Variants in ITGA9 observed in about 807,000 individuals in gnomAD.
ITGA9 encodes integrin alpha-9.
A neutral mutation model predicts 127.8 loss-of-function variants in ITGA9; 56 were observed. The ratio of observed to expected loss-of-function variants is 0.44; its 90% CI spans 0.35 to 0.55. The LOEUF is 0.55. Among genes scored for constraint, ITGA9 ranks in the 20% least tolerant of loss-of-function variants. The pLI, the probability that ITGA9 is intolerant of heterozygous loss-of-function variation, is 0.00. For synonymous variants in ITGA9, 508 were observed against 514.5 expected (o/e 0.99, Z 0.17); for missense variants, 1,196 against 1,347.1 (o/e 0.89, Z 1.76).
chr3:37,584,981 G>A (rs1162054897), intron 15 of ITGA9, among the ~76,000 whole-genome samples: 1 of 152,046 alleles, frequency 6.6e-6, no homozygotes, highest in African/African-American at 2.4e-5. Context: ...TTCAGTCAGA[G>A]GGGAGCACTG....
At chr3:37,562,176 A>C (rs11712616) in intron 15 of ITGA9, among the ~76,000 whole-genome samples, 6,644 of 152,228 alleles carry the variant, frequency 0.044, 200 homozygotes, top group Middle Eastern at 0.065. Context: ...CCGGCAGCCC[A>C]TCCAGCGTTG....
intron 15 of ITGA9, among the ~76,000 whole-genome samples, chr3:37,555,685 C>A (rs757484056): frequency 6.6e-6 from 1 of 152,230 alleles, no homozygotes; most frequent in African/African-American, 2.4e-5. Flanking sequence ...GACTGTTTCA[C>A]GTTGTACTTA....
Position 37,452,698 on chromosome 3 carries a change from CT to C in ITGA9, c.185+140del. 1 of 761,550 alleles carries C rather than the reference CT, an allele frequency of 1.3e-6. No individual in the cohort carries two copies. The highest frequency in any genetic ancestry group is 1.9e-6 in the Non-Finnish European group (1 of 536,816). 47.2% of individuals were successfully genotyped at this position (761,550 alleles called of 1,614,324 possible). A position where few individuals can be genotyped will look rare whatever the true frequency, so the allele number is the denominator to read the frequency against. On this transcript the variant is annotated intron_variant, in intron 1 of 27. Coordinates refer to ENST00000264741, the MANE Select transcript of ITGA9 (RefSeq NM_002207.3). This position sits in a 1 kb window ranked among gnomAD's most constrained non-coding sequence, Gnocchi z 7.3. ...ATTTAAATGTCTCCGTTGCGCGCGG[CT>C]CGGCCGCCGGGGGACGGCGGGAGAA...
intron 17 of ITGA9, among the ~76,000 whole-genome samples, chr3:37,675,896 A>G (rs915714896): frequency 6.6e-6 from 1 of 151,814 alleles, no homozygotes; most frequent in Non-Finnish European, 1.5e-5. Context: ...GGTGTGCACC[A>G]CCACACCCAG....
chr3:37,460,587 C>CTTTTT (rs10711884), intron 1 of ITGA9, among the ~76,000 whole-genome samples: 2 of 110,862 alleles, frequency 1.8e-5, no homozygotes, highest in African/African-American at 3.6e-5. Context: ...GTGCCCAAAT[C>CTTTTT]TTTTTTTTTT....
intron 13 of ITGA9, among the ~76,000 whole-genome samples, chr3:37,528,064 C>A (rs963149241): frequency 3.9e-5 from 6 of 152,344 alleles, no homozygotes; most frequent in Middle Eastern, 6.8e-3. Flanking sequence ...GGATTACAGG[C>A]GTGAGCCATT....
At chr3:37,674,739 C>G (rs1700666404) in intron 17 of ITGA9, among the ~76,000 whole-genome samples, 1 of 152,220 alleles carries the variant, frequency 6.6e-6, no homozygotes, top group East Asian at 1.9e-4. Flanking sequence ...AGTCTGGGGC[C>G]AGGGGTGTCT....
intron 7 of ITGA9, 138 bp from the exon 8 acceptor site, chr3:37,508,421 A>G (rs558998239): frequency 1.4e-6 from 1 of 697,476 alleles, no homozygotes; most frequent in Non-Finnish European, 2.4e-6. Context: ...TGACTTCTTC[A>G]TGATCATCAG....
intron 8 of ITGA9, among the ~76,000 whole-genome samples, chr3:37,511,541 G>A (rs1001307924): frequency 4.6e-5 from 7 of 152,184 alleles, no homozygotes; most frequent in Non-Finnish European, 7.3e-5. Context: ...GCCAGTGAGC[G>A]CAGCCAGCAG....
chr3:37,805,247 C>T (rs1697282406), intron 27 of ITGA9, among the ~76,000 whole-genome samples: 2 of 152,080 alleles, frequency 1.3e-5, no homozygotes, highest in South Asian at 2.1e-4. Context: ...TAGGGTCTCA[C>T]TATGTTTCTC....
intron 22 of ITGA9, among the ~76,000 whole-genome samples, chr3:37,746,727 C>G (rs1696505558): frequency 6.6e-6 from 1 of 152,184 alleles, no homozygotes; most frequent in African/African-American, 2.4e-5. Flanking sequence ...CCTTCCTTTT[C>G]TATGTCTTCA....
chr3:37,728,024 T>C (rs1696236503), intron 18 of ITGA9, among the ~76,000 whole-genome samples: 1 of 152,254 alleles, frequency 6.6e-6, no homozygotes, highest in Non-Finnish European at 1.5e-5. Flanking sequence ...TGTAGTCAGA[T>C]AATCAGATGT....
intron 17 of ITGA9, among the ~76,000 whole-genome samples, chr3:37,654,190 CCACACACACACACACA>C (rs67516814): frequency 4.8e-5 from 7 of 146,304 alleles, no homozygotes; most frequent in South Asian, 2.2e-4. Context: ...CCTCCTGCCT[CCACACACACACACACA>C]CACACACACA....
chr3:37,505,629 T>C (rs912327148), intron 6 of ITGA9, among the ~76,000 whole-genome samples: 1 of 152,208 alleles, frequency 6.6e-6, no homozygotes, highest in African/African-American at 2.4e-5. Context: ...ACTTCCTTGA[T>C]CTGGGTGGTG....
At chr3:37,647,634 C>T (rs113104505) in intron 16 of ITGA9, among the ~76,000 whole-genome samples, 31 of 152,180 alleles carry the variant, frequency 2.0e-4, no homozygotes, top group African/African-American at 6.7e-4. Context: ...TACTCCCTAC[C>T]CCCTCCCCGA....
intron 5 of ITGA9, among the ~76,000 whole-genome samples, chr3:37,497,026 AC>A (rs1334820645): frequency 6.6e-6 from 1 of 152,196 alleles, no homozygotes; most frequent in African/African-American, 2.4e-5. Context: ...TTATGAAAAA[AC>A]ATCTCGTTTT....
intron 15 of ITGA9, among the ~76,000 whole-genome samples, chr3:37,570,936 G>A (rs1699593906): frequency 6.6e-6 from 1 of 152,168 alleles, no homozygotes; most frequent in Non-Finnish European, 1.5e-5. Flanking sequence ...AGAAACAGTG[G>A]GCCTTTTATA....
chr3:37,657,169 C>T (rs1416111471), intron 17 of ITGA9, among the ~76,000 whole-genome samples: 4 of 152,142 alleles, frequency 2.6e-5, no homozygotes, highest in African/African-American at 9.7e-5. Context: ...CGTTGTGTCT[C>T]TGCCAGGTTT....
intron 11 of ITGA9, among the ~76,000 whole-genome samples, chr3:37,520,675 TC>T (rs1275769434): frequency 1.3e-5 from 2 of 152,196 alleles, no homozygotes; most frequent in Non-Finnish European, 2.9e-5. Context: ...TTAATAAACT[TC>T]GGTGATTCAG....
Sources: allele counts gnomAD v4.1 joint callset (sites outside exome capture counted in the v4.1 genomes callset), GRCh38; gene constraint gnomAD v4.1.1; non-coding constraint Gnocchi (gnomAD v3.1); transcripts MANE v1.5; gene names NCBI Gene and HGNC (gene_info 2026-07-23, HGNC 2026-07-21).